Variants in ZPLD1 observed in about 807,000 individuals in gnomAD.
The protein encoded by ZPLD1 is zona pellucida like domain containing 1.
A neutral mutation model predicts 47.2 loss-of-function variants in ZPLD1; 34 were observed. The ratio of observed to expected loss-of-function variants is 0.72; its 90% CI spans 0.55 to 0.96. ZPLD1 has a LOEUF of 0.96. Among genes scored for constraint, ZPLD1 ranks in the 40% least tolerant of loss-of-function variants. The pLI is 0.00. For synonymous variants in ZPLD1, 176 were observed against 186.2 expected (o/e 0.95, Z 0.45); for missense variants, 512 against 505.8 (o/e 1.01, Z -0.12).
intron 7 of ZPLD1, among the ~76,000 whole-genome samples, chr3:102,408,516 T>A (rs756572725): frequency 2.0e-5 from 3 of 151,888 alleles, no homozygotes; most frequent in Non-Finnish European, 4.4e-5. Context: ...CTTAAAAATG[T>A]CTAGCACAGG....
At chr3:102,431,166 A>G (rs1185582675), upstream of ZPLD1, among the ~76,000 whole-genome samples, 1 of 152,208 alleles carries the variant, frequency 6.6e-6, no homozygotes, top group Non-Finnish European at 1.5e-5. Context: ...CTCAACAGAA[A>G]GACAAATGAG....
intron 7 of ZPLD1, among the ~76,000 whole-genome samples, chr3:102,411,752 AAATT>A (rs1427079851): frequency 6.6e-6 from 1 of 151,858 alleles, no homozygotes; most frequent in African/African-American, 2.4e-5. Flanking sequence ...ACTAAAAATA[AAATT>A]AATTATAGGA....
At chr3:102,418,407 G>A (rs931198457) in intron 8 of ZPLD1, among the ~76,000 whole-genome samples, 4 of 151,904 alleles carry the variant, frequency 2.6e-5, no homozygotes, top group African/African-American at 9.7e-5. Context: ...GCAAAAGGAG[G>A]TTAAAAACAT....
At chr3:102,415,631 C>T (rs896527794) in intron 7 of ZPLD1, among the ~76,000 whole-genome samples, 1 of 151,792 alleles carries the variant, frequency 6.6e-6, no homozygotes, top group Admixed American at 6.6e-5. Context: ...CTGCTTTTCC[C>T]ATATTGAAAA....
intron 6 of ZPLD1, among the ~76,000 whole-genome samples, chr3:102,459,223 T>C (rs1559758501): frequency 6.6e-6 from 1 of 151,794 alleles, no homozygotes; most frequent in Non-Finnish European, 1.5e-5. Context: ...AATATTTATA[T>C]AACTTTAAAC....
chr3:102,409,945 A>T (rs564375078), intron 7 of ZPLD1, among the ~76,000 whole-genome samples: 1 of 151,940 alleles, frequency 6.6e-6, no homozygotes, highest in Admixed American at 6.6e-5. Flanking sequence ...CATAACCAAG[A>T]GGCATGATTT....
At chr3:102,407,403 A>G (rs1465125259) in intron 7 of ZPLD1, among the ~76,000 whole-genome samples, 2 of 61,520 alleles carry the variant, frequency 3.3e-5, no homozygotes, top group African/African-American at 1.1e-4. Context: ...ATATATATAT[A>G]TATATATATA....
chr3:102,391,872 C>T (rs1160627106), intron 6 of ZPLD1, among the ~76,000 whole-genome samples: 6 of 152,136 alleles, frequency 3.9e-5, no homozygotes, highest in East Asian at 1.9e-4. Context: ...TTTTCCATTC[C>T]TCTGTAACAG....
At chr3:102,387,858 T>C (rs1403140096) in intron 6 of ZPLD1, among the ~76,000 whole-genome samples, 1 of 138,582 alleles carries the variant, frequency 7.2e-6, no homozygotes, top group Admixed American at 7.1e-5. Context: ...TTCTTTTTTT[T>C]TTTTTTTTTT....
rs182428408 is a variant in ZPLD1, at chr3:102,398,650, T to C, written c.-157+6425T>C. Among the ~76,000 whole-genome samples, 4 of 152,272 alleles carry C rather than the reference T, an allele frequency of 2.6e-5. 1 individual carries two copies. In the East Asian group the frequency reaches 7.7e-4, roughly 29 times the overall value. On this transcript the variant is annotated intron_variant, in intron 7 of 17. Transcript: ENST00000491959. ...TCTTCCCATTTTTAATCCCAAGCAA[T>C]TACTGACCATCTTCAATGTGGCCTG...
chr3:102,406,268 T>C (rs1309569013), intron 7 of ZPLD1, among the ~76,000 whole-genome samples: 1 of 151,968 alleles, frequency 6.6e-6, no homozygotes, highest in Non-Finnish European at 1.5e-5. Context: ...ATAAACCTGC[T>C]GAGAAGGCTA....
intron 7 of ZPLD1, among the ~76,000 whole-genome samples, chr3:102,400,607 A>G (rs903326712): frequency 1.3e-5 from 2 of 151,896 alleles, no homozygotes; most frequent in Non-Finnish European, 2.9e-5. Flanking sequence ...TACTCTTTCC[A>G]CACTTACTGA....
rs1559751460 is a variant in ZPLD1, at chr3:102,438,538, G to T, written c.51G>T (p.Gly17=). The change falls in exon 3 of 12, where the codon GGG becomes GGT. Residue 17 remains glycine, a synonymous_variant. Transcript: ENST00000466937. The part of the protein sequence containing the change: ...LLLLTIRVLP[G]SAQFNGYNCD... ...TTCTAACAATTAGAGTGCTTCCGGG[G>T]TCTGCTCAGTTCAACGGCTACAACT... 1.9e-6 allele frequency: 3 copies of T among 1,613,870 alleles called. No homozygotes were observed. The highest frequency in any genetic ancestry group is 1.1e-5 in the South Asian group (1 of 91,082).
intron 8 of ZPLD1, among the ~76,000 whole-genome samples, chr3:102,419,638 T>G (rs1452832357): frequency 6.6e-6 from 1 of 151,300 alleles, no homozygotes; most frequent in Non-Finnish European, 1.5e-5. Flanking sequence ...ACGACTGATT[T>G]TTTTTTTTTT....
In ZPLD1 at chr3:102,435,159, G is replaced by A. The variant is rs1009206682; in HGVS notation, c.-123+5G>A. On this transcript the variant is annotated splice_donor_5th_base_variant and intron_variant, in intron 1 of 11. Coordinates refer to ENST00000466937, the MANE Select transcript of ZPLD1 (RefSeq NM_001329788.2). ...TGTGCAGGGGAAATGATGAAGGTAA[G>A]GTTGAGGATGGGAAATTTGCAAGAT... 6.2e-7 allele frequency: 1 copy of A among 1,614,006 alleles called. No homozygotes were observed. The highest frequency in any genetic ancestry group is 1.3e-5 in the African/African-American group (1 of 74,918).
At chr3:102,476,645 T>C (rs560577548) in intron 10 of ZPLD1, among the ~76,000 whole-genome samples, 84 of 152,220 alleles carry the variant, frequency 5.5e-4, no homozygotes, top group African/African-American at 1.9e-3. Context: ...ATAAAAAATG[T>C]AATAGCTGTT....
At chr3:102,397,662 T>C (rs1265326903) in intron 7 of ZPLD1, among the ~76,000 whole-genome samples, 1 of 152,178 alleles carries the variant, frequency 6.6e-6, no homozygotes, top group Non-Finnish European at 1.5e-5. Context: ...CAGGGAGTCC[T>C]GTGCATTGCT....
intron 7 of ZPLD1, among the ~76,000 whole-genome samples, chr3:102,393,572 G>A (rs1559738601): frequency 6.6e-6 from 1 of 151,802 alleles, no homozygotes; most frequent in Admixed American, 6.6e-5. Context: ...AGGGCAAGAA[G>A]GCATGGCAGA....
rs555364122 is a variant in ZPLD1, at chr3:102,442,276, C to G, written c.106+3683C>G. Among the ~76,000 whole-genome samples, 3 of 151,364 alleles carry G rather than the reference C, an allele frequency of 2.0e-5. No homozygotes were observed. The South Asian group carries it at 6.2e-4, about 32-fold the overall frequency. On this transcript the variant is annotated intron_variant, in intron 3 of 11. Coordinates refer to ENST00000466937, the MANE Select transcript of ZPLD1 (RefSeq NM_001329788.2). ...TACTATCTGGCTTAGGCAACAAACA[C>G]CCAAACTTTCCAGACATATATTCAT...
Sources: gnomAD v4.1 joint callset for allele counts (sites outside exome capture counted in the v4.1 genomes callset) on GRCh38, gnomAD v4.1.1 for gene constraint, MANE v1.5 for transcripts, NCBI Gene and HGNC (gene_info 2026-07-23, HGNC 2026-07-21) for gene names.